Variants in AKAP6 observed in about 807,000 individuals in gnomAD.
AKAP6 encodes A-kinase anchoring protein 6.
A neutral mutation model predicts 188.5 loss-of-function variants in AKAP6; 58 were observed. The observed-to-expected ratio is 0.31, with a 90% CI of 0.25 to 0.38. AKAP6 has a LOEUF of 0.38. Ranked by LOEUF, AKAP6 falls within the 10% of genes least tolerant of loss-of-function variation. The pLI is 1.00. For missense variants in AKAP6, 2,710 were observed against 2,740.0 expected (o/e 0.99, Z 0.24); for synonymous variants, 989 against 998.6 (o/e 0.99, Z 0.18).
At chr14:32,768,744 C>G (rs2032794075) in intron 11 of AKAP6, among the ~76,000 whole-genome samples, 1 of 152,126 alleles carries the variant, frequency 6.6e-6, no homozygotes. Flanking sequence ...TTCCTGTAGA[C>G]TAGTGTTCTC....
intron 8 of AKAP6, among the ~76,000 whole-genome samples, chr14:32,695,233 G>T (rs1014883234): frequency 6.6e-6 from 1 of 152,140 alleles, no homozygotes; most frequent in Non-Finnish European, 1.5e-5. Context: ...CTACGTGTCT[G>T]TGGGGAACAC....
chr14:32,443,320 G>A (rs914439853), intron 2 of AKAP6, among the ~76,000 whole-genome samples: 1 of 151,960 alleles, frequency 6.6e-6, no homozygotes, highest in Non-Finnish European at 1.5e-5. Context: ...TTGAACTTGA[G>A]AGATGGAGGT....
chr14:32,414,772 A>G (rs533775527), intron 1 of AKAP6, among the ~76,000 whole-genome samples: 2 of 152,306 alleles, frequency 1.3e-5, no homozygotes, highest in South Asian at 4.1e-4. Flanking sequence ...CTTTATAGCC[A>G]AGTTTAAAAG....
At chr14:32,507,096 A>G (rs1443865661) in intron 2 of AKAP6, among the ~76,000 whole-genome samples, 1 of 152,156 alleles carries the variant, frequency 6.6e-6, no homozygotes, top group African/African-American at 2.4e-5. Flanking sequence ...ATTTTTGACC[A>G]TCTTCTTTCC....
intron 1 of AKAP6, among the ~76,000 whole-genome samples, chr14:32,393,542 T>G (rs932095728): frequency 6.6e-6 from 1 of 152,164 alleles, no homozygotes; most frequent in Non-Finnish European, 1.5e-5. Context: ...GTTCATAATA[T>G]TTCATCTGTG....
intron 7 of AKAP6, among the ~76,000 whole-genome samples, chr14:32,622,356 A>G (rs745639443): frequency 7.2e-5 from 11 of 152,152 alleles, no homozygotes; most frequent in Non-Finnish European, 7.4e-5. Flanking sequence ...TTTCAAGACC[A>G]ATATTATCTG....
intron 2 of AKAP6, among the ~76,000 whole-genome samples, chr14:32,533,560 A>AT (rs1312239832): frequency 1.3e-5 from 2 of 152,188 alleles, no homozygotes; most frequent in Non-Finnish European, 2.9e-5. Context: ...TTACAACAGA[A>AT]TGGGGGGAAG....
At chr14:32,805,342 C>T (rs955046492) in intron 12 of AKAP6, among the ~76,000 whole-genome samples, 1 of 152,130 alleles carries the variant, frequency 6.6e-6, no homozygotes, top group South Asian at 2.1e-4. Context: ...TTATACTTAT[C>T]TTATGCAGAG....
chr14:32,759,851 C>G (rs547311408), intron 11 of AKAP6, among the ~76,000 whole-genome samples: 59 of 152,302 alleles, frequency 3.9e-4, no homozygotes, highest in Non-Finnish European at 7.5e-4. Flanking sequence ...ACACCTCCCA[C>G]CAGGCCCCAC....
intron 4 of AKAP6, among the ~76,000 whole-genome samples, chr14:32,562,512 C>T (rs1440613228): frequency 1.3e-5 from 2 of 152,286 alleles, no homozygotes; most frequent in African/African-American, 4.8e-5. Flanking sequence ...AATCTCAGCA[C>T]TTTGGGAAGC....
At chr14:32,646,384 G>A (rs1887987206) in intron 7 of AKAP6, among the ~76,000 whole-genome samples, 2 of 152,036 alleles carry the variant, frequency 1.3e-5, no homozygotes, top group African/African-American at 4.8e-5. Context: ...GTTTCAGAGA[G>A]ACATAAATAG....
intron 1 of AKAP6, among the ~76,000 whole-genome samples, chr14:32,339,839 C>T (rs189839515): frequency 8.6e-4 from 131 of 152,200 alleles, no homozygotes; most frequent in Non-Finnish European, 1.6e-3. Context: ...TTAAGAGAGC[C>T]TAATTCTATA....
At chr14:32,384,414 G>A (rs547130044) in intron 1 of AKAP6, among the ~76,000 whole-genome samples, 1 of 152,284 alleles carries the variant, frequency 6.6e-6, no homozygotes, top group Admixed American at 6.5e-5. Flanking sequence ...AAATTCTAAA[G>A]TTGTCACATG....
chr14:32,802,294 C>G (rs1413321196), intron 12 of AKAP6, among the ~76,000 whole-genome samples: 1 of 152,182 alleles, frequency 6.6e-6, no homozygotes, highest in Non-Finnish European at 1.5e-5. Flanking sequence ...CCTCCATAGT[C>G]TGGTACCACT....
rs562728277 is a variant in AKAP6 at position 32,568,533 on chromosome 14, T to C, written c.2347-8587T>C. Among the ~76,000 whole-genome samples the C allele has an allele frequency of 6.6e-6, 1 of 152,246 alleles. No individual in the cohort carries two copies. The highest frequency in any genetic ancestry group is 2.1e-4 in the South Asian group (1 of 4,820). On this transcript the variant is annotated intron_variant, in intron 4 of 13. Transcript: ENST00000280979. This position sits in a 1 kb window ranked among gnomAD's most constrained non-coding sequence, Gnocchi z 6.2. ...AATTCTAAGTTATGAGTATCTCAGG[T>C]GCTCATTTGAGACTTAAAGGCAGAT...
intron 7 of AKAP6, among the ~76,000 whole-genome samples, chr14:32,613,956 G>T (rs908586059): frequency 1.3e-5 from 2 of 152,088 alleles, no homozygotes; most frequent in Admixed American, 6.5e-5. Context: ...TCATCAAATA[G>T]TGCTGCTACT....
In AKAP6 at chr14:32,642,973, G is replaced by A. The variant is rs183810436; in HGVS notation, c.2731-35338G>A. 3.3e-4 allele frequency among the ~76,000 whole-genome samples: 50 copies of A among 152,160 alleles called. 1 individual carries two copies. The East Asian group carries it at 9.5e-3, about 29-fold the overall frequency. On this transcript the variant is annotated intron_variant, in intron 7 of 13. Coordinates refer to ENST00000280979, the MANE Select transcript of AKAP6 (RefSeq NM_004274.5). ...TTAGAGTTTCACATAGTATTAGAAT[G>A]TTTTCATTACAATAAAAAAAGTTTT...
chr14:32,394,747 T>A (rs567523548), intron 1 of AKAP6, among the ~76,000 whole-genome samples: 1 of 152,152 alleles, frequency 6.6e-6, no homozygotes, highest in African/African-American at 2.4e-5. Flanking sequence ...AGCAAAAACA[T>A]GTAGTTTTAC....
chr14:32,467,669 A>G (rs1197390953), intron 2 of AKAP6, among the ~76,000 whole-genome samples: 1 of 151,866 alleles, frequency 6.6e-6, no homozygotes, highest in Non-Finnish European at 1.5e-5. Context: ...AAAAAGCAGG[A>G]TGGTTCTTTT....
Sources: gnomAD v4.1 joint callset for allele counts (sites outside exome capture counted in the v4.1 genomes callset) on GRCh38, gnomAD v4.1.1 for gene constraint, Gnocchi (gnomAD v3.1) non-coding constraint, MANE v1.5 for transcripts, NCBI Gene and HGNC (gene_info 2026-07-23, HGNC 2026-07-21) for gene names.